PPP2R3C: variants seen among roughly 807,000 people sequenced by gnomAD.
PPP2R3C encodes the protein protein phosphatase 2 regulatory subunit B''gamma, also known as serine/threonine-protein phosphatase 2A regulatory subunit B'' subunit gamma.
Under a neutral mutation model 63.7 loss-of-function variants are expected in PPP2R3C, and 47 were observed. The observed-to-expected ratio is 0.74, with a 90% CI of 0.58 to 0.94. The LOEUF is 0.94. Ranked by LOEUF, PPP2R3C falls within the 40% of genes least tolerant of loss-of-function variation. The pLI, the probability that PPP2R3C is intolerant of heterozygous loss-of-function variation, is 0.00. For missense variants in PPP2R3C, 421 were observed against 518.4 expected, an observed-to-expected ratio of 0.81 and a Z score of 1.82; for synonymous variants, 180 against 177.4, an observed-to-expected ratio of 1.01 and a Z score of -0.12.
intron 11 of PPP2R3C, among the ~76,000 whole-genome samples, chr14:35,089,645 T>C (rs2045725169): frequency 6.6e-6 from 1 of 151,262 alleles, no homozygotes; most frequent in Admixed American, 6.7e-5. Flanking sequence ...TGAGCCACCA[T>C]GCCTGGGGTA....
At chr14:35,090,366 C>A (rs978525606) in intron 11 of PPP2R3C, among the ~76,000 whole-genome samples, 5 of 151,642 alleles carry the variant, frequency 3.3e-5, no homozygotes, top group Non-Finnish European at 5.9e-5. Flanking sequence ...CTCAGCCTCC[C>A]AAGTAGCTGG....
At chr14:35,099,482 G>A in intron 6 of PPP2R3C, 98 bp from the exon 7 acceptor site, 1 of 1,323,402 alleles carries the variant, frequency 7.6e-7, no homozygotes, top group Non-Finnish European at 1.0e-6. Flanking sequence ...ATACTATATT[G>A]ATAAAGAAAT....
chr14:35,118,584 A>T (rs1292022552), intron 1 of PPP2R3C, among the ~76,000 whole-genome samples: 1 of 152,180 alleles, frequency 6.6e-6, no homozygotes, highest in Non-Finnish European at 1.5e-5. Context: ...AATATCTGCT[A>T]AAAGAATGCA....
chr14:35,093,520 T>G (rs1425669258), intron 10 of PPP2R3C, among the ~76,000 whole-genome samples: 1 of 152,136 alleles, frequency 6.6e-6, no homozygotes, highest in Non-Finnish European at 1.5e-5. Context: ...TTTCCCCTCT[T>G]TTCTTTTGTT....
chr14:35,121,631 C>A (rs188635751), intron 1 of PPP2R3C, among the ~76,000 whole-genome samples: 236 of 152,208 alleles, frequency 1.6e-3, no homozygotes, highest in African/African-American at 5.4e-3. Context: ...TTGTTGGAGC[C>A]GGGGTTCCAA....
intron 11 of PPP2R3C, 168 bp from the exon 12 acceptor site, chr14:35,088,178 G>C (rs2045671769): frequency 1.6e-6 from 1 of 622,202 alleles, no homozygotes; most frequent in East Asian, 2.8e-5. Flanking sequence ...CCACATCAGT[G>C]AGCAAAACCT....
At chr14:35,094,968 T>G in intron 10 of PPP2R3C, 80 bp downstream of exon 10, 3 of 1,429,104 alleles carry the variant, frequency 2.1e-6, no homozygotes, top group African/African-American at 1.4e-5. Context: ...AAAAAAGGGC[T>G]GTATTACATC....
intron 2 of PPP2R3C, 75 bp downstream of exon 2, chr14:35,116,535 A>G (rs2046713942): frequency 4.8e-6 from 6 of 1,249,700 alleles, no homozygotes; most frequent in East Asian, 2.9e-5. Context: ...GATTACAGGT[A>G]TGAGCCACCC....
At chr14:35,106,209 G>C (rs2046353107) in intron 6 of PPP2R3C, among the ~76,000 whole-genome samples, 1 of 152,206 alleles carries the variant, frequency 6.6e-6, no homozygotes, top group South Asian at 2.1e-4. Flanking sequence ...TTATAGGTCA[G>C]CAAAGGGTAG....
chr14:35,095,674 TAAAAAAAAAAACA>T (rs1438046780), intron 9 of PPP2R3C, among the ~76,000 whole-genome samples: 11 of 121,672 alleles, frequency 9.0e-5, no homozygotes, highest in Admixed American at 8.4e-4. Context: ...CCGTCTCTAC[TAAAAAAAAAAACA>T]AAAAAAAAAA....
chr14:35,087,058 TG>T (rs1322121552), intron 12 of PPP2R3C: 1 of 152,212 alleles, frequency 6.6e-6, no homozygotes, highest in East Asian at 1.9e-4. Context: ...TTTCCAATGT[TG>T]ATGTCAACAT....
Position 35,085,734 on chromosome 14 carries a change from G to A in PPP2R3C, c.1218C>T (p.Ile406=), listed in dbSNP as rs779040612. ...TACTGTTGATTAAATCCTGAAGAGA[G>A]ATTTTCAAAGGATCCTTTGGTTTTA... is the stretch of plus-strand genomic sequence containing the variant. ...DMVKPKDPLK[I]SLQDLINSNQ... Residue 406 remains isoleucine, a synonymous_variant, in exon 13 of 13, where the codon ATC becomes ATT. Coordinates refer to ENST00000261475, the MANE Select transcript of PPP2R3C (RefSeq NM_017917.4). 6.2e-7 allele frequency: 1 copy of A among 1,610,494 alleles called. No homozygotes were observed. The highest frequency in any genetic ancestry group is 1.1e-5 in the South Asian group (1 of 90,356).
chr14:35,104,076 G>C (rs1566416008), intron 6 of PPP2R3C, among the ~76,000 whole-genome samples: 1 of 152,188 alleles, frequency 6.6e-6, no homozygotes, highest in Non-Finnish European at 1.5e-5. Context: ...AAGACAAGCA[G>C]TAACAGGGGA....
intron 1 of PPP2R3C, 200 bp downstream of exon 1, chr14:35,121,702 G>C: frequency 3.5e-6 from 2 of 564,526 alleles, no homozygotes; most frequent in Non-Finnish European, 3.1e-6. Flanking sequence ...TAAGTTTTTC[G>C]TTCCTCTAGA....
intron 6 of PPP2R3C, chr14:35,100,593 G>A (rs981927765): frequency 6.6e-6 from 1 of 152,150 alleles, no homozygotes; most frequent in Non-Finnish European, 1.5e-5. Flanking sequence ...CTAGAATTAC[G>A]TGCTCAAGGT....
At chr14:35,109,346 C>T (rs1217015399) in intron 4 of PPP2R3C, among the ~76,000 whole-genome samples, 1 of 152,086 alleles carries the variant, frequency 6.6e-6, no homozygotes. Context: ...TGAGCCACCA[C>T]ACCTGGCTAT....
rs1013479580 is a variant in PPP2R3C at position 35,115,919 on chromosome 14, G to A, written c.186+691C>T. On this transcript the variant is annotated intron_variant, in intron 2 of 12. Coordinates refer to ENST00000261475, the MANE Select transcript of PPP2R3C (RefSeq NM_017917.4). Reference sequence around the variant, plus strand: ...ATTACAGGCATGAGCCACCATGCCTGGCCTCAAGTGAAATTCTTTAGGTTT... The same window carrying A: ...ATTACAGGCATGAGCCACCATGCCTAGCCTCAAGTGAAATTCTTTAGGTTT... Among the ~76,000 whole-genome samples the A allele has an allele frequency of 4.6e-5, 7 of 151,962 alleles. No homozygotes were observed. In the East Asian group the frequency reaches 9.7e-4, roughly 21 times the overall value.
chr14:35,085,665 G>A lies in PPP2R3C; in HGVS notation c.1287C>T (p.Gly429=), dbSNP rs773626214. The A allele has an allele frequency of 1.2e-6, 2 of 1,613,646 alleles. No individual in the cohort carries two copies. The highest frequency in any genetic ancestry group is 1.7e-4 in the Middle Eastern group (1 of 6,058). The part of the protein sequence containing the change: ...TVTTILIDLN[G]FWTYENREAL... ...CCTCTCTGTTCTCGTAAGTCCAGAA[G>A]CCATTCAAATCGATTAGAATGGTGG... The change falls in exon 13 of 13, where the codon GGC becomes GGT. Residue 429 remains glycine, a synonymous_variant. Transcript: ENST00000261475.
At chr14:35,108,290 T>C (rs2046425074) in intron 4 of PPP2R3C, 54 bp from the exon 5 acceptor site, 1 of 1,514,290 alleles carries the variant, frequency 6.6e-7, no homozygotes, top group Non-Finnish European at 8.7e-7. Flanking sequence ...AGAAAATGAC[T>C]TCTACATAAA....
Sources: allele counts gnomAD v4.1 joint callset (sites outside exome capture counted in the v4.1 genomes callset), GRCh38; gene constraint gnomAD v4.1.1; transcripts MANE v1.5; gene names NCBI Gene and HGNC (gene_info 2026-07-23, HGNC 2026-07-21).